The following CDH13 variants were observed in gnomAD, a reference collection of about 807,000 sequenced individuals.
The protein encoded by CDH13 is cadherin 13, also known as cadherin-13.
A neutral mutation model predicts 63.8 loss-of-function variants in CDH13; 24 were observed. The observed-to-expected ratio is 0.38, with a 90% CI of 0.27 to 0.53. CDH13 has a LOEUF of 0.53. Ranked by LOEUF, CDH13 falls within the 20% of genes least tolerant of loss-of-function variation. The pLI, the probability that CDH13 is intolerant of heterozygous loss-of-function variation, is 0.85. For missense variants in CDH13, 1,049 were observed against 903.1 expected, an observed-to-expected ratio of 1.16 and a Z score of -2.07; for synonymous variants, 503 against 355.3, an observed-to-expected ratio of 1.42 and a Z score of -4.67.
chr16:83,432,717 C>A, intron 6 of CDH13, among the ~76,000 whole-genome samples: 1 of 152,150 alleles, frequency 6.6e-6, no homozygotes, highest in East Asian at 1.9e-4. Context: ...CAAGAAAATT[C>A]TAGAAGGCAG....
intron 1 of CDH13, among the ~76,000 whole-genome samples, chr16:82,660,821 T>G (rs1911853981): frequency 6.6e-6 from 1 of 152,208 alleles, no homozygotes; most frequent in South Asian, 2.1e-4. Context: ...CTGCTGCTGC[T>G]TCAATTTTGT....
chr16:83,152,360 T>G (rs892010071), intron 4 of CDH13, among the ~76,000 whole-genome samples: 24 of 152,176 alleles, frequency 1.6e-4, no homozygotes, highest in African/African-American at 5.8e-4. Flanking sequence ...TTTAAACATA[T>G]AGAAAAATGC....
intron 3 of CDH13, among the ~76,000 whole-genome samples, chr16:83,034,270 T>C (rs1198877000): frequency 2.6e-5 from 4 of 152,144 alleles, no homozygotes; most frequent in Non-Finnish European, 5.9e-5. Context: ...CATTTAGTGG[T>C]GTTTCTGAGG....
intron 1 of CDH13, among the ~76,000 whole-genome samples, chr16:82,690,653 C>A (rs12919088): frequency 0.16 from 24,143 of 152,094 alleles, 2,139 homozygotes; most frequent in East Asian, 0.38. Flanking sequence ...ACCATTGTAC[C>A]CACAGTAATG....
intron 1 of CDH13, among the ~76,000 whole-genome samples, chr16:82,780,301 G>A (rs1442795396): frequency 1.3e-5 from 2 of 152,176 alleles, no homozygotes; most frequent in African/African-American, 4.8e-5. Flanking sequence ...GGAATGCAAG[G>A]AGGTGGAAGA....
intron 4 of CDH13, among the ~76,000 whole-genome samples, chr16:83,192,926 C>T (rs935973579): frequency 6.6e-6 from 1 of 152,070 alleles, no homozygotes; most frequent in African/African-American, 2.4e-5. Flanking sequence ...ACCCCAAAAA[C>T]CACAGAAACA....
intron 7 of CDH13, among the ~76,000 whole-genome samples, chr16:83,522,022 G>C (rs930785207): frequency 3.3e-5 from 5 of 152,292 alleles, no homozygotes; most frequent in Middle Eastern, 3.4e-3. Context: ...TCCATCAGCT[G>C]TTAAATGCCT....
At chr16:83,323,167 C>CT (rs201901832) in intron 5 of CDH13, among the ~76,000 whole-genome samples, 1 of 4,734 alleles carries the variant, frequency 2.1e-4, no homozygotes, top group South Asian at 0.062. Context: ...CTTTCTTTCT[C>CT]TTTCTTTTTT....
chr16:83,766,029 C>A (rs1198647971), intron 11 of CDH13, among the ~76,000 whole-genome samples: 1 of 152,202 alleles, frequency 6.6e-6, no homozygotes, highest in East Asian at 1.9e-4. Context: ...CATTAGCTCA[C>A]ATCTAAATTG....
intron 4 of CDH13, among the ~76,000 whole-genome samples, chr16:83,145,488 C>A (rs988581283): frequency 1.3e-5 from 2 of 152,198 alleles, no homozygotes; most frequent in African/African-American, 4.8e-5. Flanking sequence ...GATGACAATG[C>A]AGTCATTATT....
At chr16:83,368,576 T>G (rs552855620) in intron 6 of CDH13, among the ~76,000 whole-genome samples, 6 of 152,088 alleles carry the variant, frequency 3.9e-5, no homozygotes, top group Non-Finnish European at 7.4e-5. Flanking sequence ...GTTACATGAG[T>G]AAGTTCTTTA....
At chr16:83,733,203 A>C (rs404638) in intron 10 of CDH13, among the ~76,000 whole-genome samples, 150,784 of 152,246 alleles carry the variant, frequency 0.99, 74,680 homozygotes, top group East Asian at 1. Flanking sequence ...CTGAGCACTC[A>C]GTGATGGAAA....
At chr16:82,875,454 G>A (rs1314907858) in intron 2 of CDH13, among the ~76,000 whole-genome samples, 1 of 152,172 alleles carries the variant, frequency 6.6e-6, no homozygotes, top group Non-Finnish European at 1.5e-5. Flanking sequence ...TGAATGACAA[G>A]GTCTCAGAAA....
chr16:82,772,980 G>GA (rs896171079), intron 1 of CDH13, among the ~76,000 whole-genome samples: 31 of 151,990 alleles, frequency 2.0e-4, no homozygotes, highest in South Asian at 4.2e-4. Context: ...TGGTTATCAG[G>GA]AAAAAAAACC....
At chr16:83,539,047 A>G (rs9926543) in intron 7 of CDH13, among the ~76,000 whole-genome samples, 24,219 of 151,986 alleles carry the variant, frequency 0.16, 2,543 homozygotes, top group African/African-American at 0.3. Context: ...GTCATCTGGC[A>G]TACAAAGTGT....
chr16:83,158,553 C>G (rs1049543542), intron 4 of CDH13, among the ~76,000 whole-genome samples: 1 of 152,226 alleles, frequency 6.6e-6, no homozygotes, highest in African/African-American at 2.4e-5. Flanking sequence ...AGTGCTGACT[C>G]AGAGCAGCCC....
intron 8 of CDH13, among the ~76,000 whole-genome samples, chr16:83,614,346 A>G (rs1909109481): frequency 6.6e-6 from 1 of 152,096 alleles, no homozygotes; most frequent in Admixed American, 6.5e-5. Context: ...AAAGTCTGGT[A>G]TGTTTCCAGG....
At chr16:83,051,286 C>G (rs2030308054) in intron 3 of CDH13, among the ~76,000 whole-genome samples, 2 of 152,096 alleles carry the variant, frequency 1.3e-5, no homozygotes, top group South Asian at 4.1e-4. Context: ...CTTCTATGTT[C>G]ACTGAAAATG....
intron 1 of CDH13, among the ~76,000 whole-genome samples, chr16:82,830,692 T>C (rs2038496283): frequency 6.6e-6 from 1 of 152,246 alleles, no homozygotes; most frequent in African/African-American, 2.4e-5. Context: ...GTCTGTTTCT[T>C]CTAGCGCTTC....
Sources: allele counts gnomAD v4.1 joint callset (sites outside exome capture counted in the v4.1 genomes callset), GRCh38; gene constraint gnomAD v4.1.1; transcripts MANE v1.5; gene names NCBI Gene and HGNC (gene_info 2026-07-23, HGNC 2026-07-21).